Variants in MANBA observed in about 807,000 individuals in gnomAD.
MANBA encodes the protein beta-mannosidase.
A neutral mutation model predicts 111.1 loss-of-function variants in MANBA; 83 were observed. The observed-to-expected ratio is 0.75, with a 90% CI of 0.63 to 0.90. The LOEUF (loss-of-function observed/expected upper bound fraction) is 0.90, where lower values mean the gene tolerates loss of function less well. Among genes scored for constraint, MANBA ranks in the 40% least tolerant of loss-of-function variants. The pLI is 0.00. For synonymous variants in MANBA, 370 were observed against 378.7 expected (o/e 0.98, Z 0.27); for missense variants, 1,036 against 1,069.0 (o/e 0.97, Z 0.43).
chr4:102,638,003 T>C (rs530200912), intron 14 of MANBA, among the ~76,000 whole-genome samples: 1 of 152,268 alleles, frequency 6.6e-6, no homozygotes, highest in South Asian at 2.1e-4. Flanking sequence ...CAGACTTAAA[T>C]TGGAGGGCAC....
At chr4:102,710,652 A>AG (rs1722019823) in intron 5 of MANBA, among the ~76,000 whole-genome samples, 1 of 152,154 alleles carries the variant, frequency 6.6e-6, no homozygotes, top group African/African-American at 2.4e-5. Context: ...GTACAGAAAT[A>AG]GAAAAAAAAT....
chr4:102,728,827 G>T, intron 1 of MANBA: 1 of 911,780 alleles, frequency 1.1e-6, no homozygotes, highest in Non-Finnish European at 1.7e-6. Context: ...CTGCCCTGGT[G>T]GTGCTGGTGC....
At position 102,657,835 on chromosome 4, in the gene MANBA, G is replaced by C; in HGVS notation, c.1551C>G (p.Ala517=). 6.2e-7 allele frequency: 1 copy of C among 1,613,974 alleles called. No individual in the cohort carries two copies. The highest frequency in any genetic ancestry group is 8.5e-7 in the Non-Finnish European group (1 of 1,179,844). The change falls in exon 12 of 17, where the codon GCC becomes GCG. Residue 517 remains alanine, a synonymous_variant. Transcript: ENST00000647097. ...PTNGAETVAE[A]WVSQNPNSNY... ...TGCTATTAGGGTTTTGAGAGACCCA[G>C]GCTTCTGCAACAGTTTCAGCCCCAT...
At chr4:102,636,762 A>C (rs1439117785) in intron 14 of MANBA, among the ~76,000 whole-genome samples, 1 of 152,200 alleles carries the variant, frequency 6.6e-6, no homozygotes, top group Non-Finnish European at 1.5e-5. Flanking sequence ...GGATCCTGCC[A>C]GGGTTTAGAA....
chr4:102,690,801 A>G (rs1433940698), intron 5 of MANBA, 30 bp from the exon 6 acceptor site: 4 of 728,952 alleles, frequency 5.5e-6, no homozygotes, highest in Non-Finnish European at 7.6e-6. Context: ...AGAAATATAT[A>G]TATATATATA....
intron 5 of MANBA, among the ~76,000 whole-genome samples, chr4:102,713,271 C>A (rs139689597): frequency 1.3e-5 from 2 of 152,144 alleles, no homozygotes; most frequent in Non-Finnish European, 2.9e-5. Flanking sequence ...GAGCATTGCA[C>A]GCTCTCATTT....
At chr4:102,670,407 A>G (rs1731443594) in intron 9 of MANBA, among the ~76,000 whole-genome samples, 2 of 152,170 alleles carry the variant, frequency 1.3e-5, no homozygotes, top group South Asian at 2.1e-4. Context: ...CATCGTCACA[A>G]TGACCATCAG....
intron 14 of MANBA, among the ~76,000 whole-genome samples, chr4:102,638,018 A>G (rs1186846498): frequency 6.6e-6 from 1 of 152,198 alleles, no homozygotes; most frequent in African/African-American, 2.4e-5. Context: ...GGGCACTCGC[A>G]TGGTGTCCAC....
intron 12 of MANBA, 147 bp from the exon 13 acceptor site, chr4:102,650,848 C>T (rs1730302329): frequency 1.5e-6 from 1 of 677,934 alleles, no homozygotes; most frequent in Non-Finnish European, 2.6e-6. Context: ...AAATGTTTTA[C>T]CATCCTACTT....
chr4:102,757,041 G>A (rs532784550), intron 1 of MANBA, among the ~76,000 whole-genome samples: 37 of 152,230 alleles, frequency 2.4e-4, no homozygotes, highest in African/African-American at 8.4e-4. Flanking sequence ...CATAATAGCA[G>A]GCTGAGGGCC....
At chr4:102,633,540 A>G (rs1167988777) in intron 16 of MANBA, 3 of 397,730 alleles carry the variant, frequency 7.5e-6, no homozygotes, top group Non-Finnish European at 1.3e-5. Context: ...CCAAATACCT[A>G]GTCTATATTA....
intron 1 of MANBA, among the ~76,000 whole-genome samples, chr4:102,747,160 T>C (rs539905216): frequency 6.7e-6 from 1 of 149,934 alleles, no homozygotes; most frequent in South Asian, 2.1e-4. Flanking sequence ...ACTAATGGGA[T>C]ATATATATAT....
At chr4:102,675,526 T>G (rs1731687265) in intron 7 of MANBA, among the ~76,000 whole-genome samples, 1 of 152,196 alleles carries the variant, frequency 6.6e-6, no homozygotes, top group African/African-American at 2.4e-5. Flanking sequence ...GTTCAATAAA[T>G]TCTTACTTTG....
intron 12 of MANBA, among the ~76,000 whole-genome samples, chr4:102,657,224 G>GC (rs1730597144): frequency 1.6e-5 from 2 of 122,806 alleles, no homozygotes; most frequent in African/African-American, 6.0e-5. Flanking sequence ...GAGTGGGGTG[G>GC]GGGGGGGGTG....
At chr4:102,635,135 T>C in intron 15 of MANBA, 90 bp from the exon 16 acceptor site, 1 of 1,444,964 alleles carries the variant, frequency 6.9e-7, no homozygotes, top group Non-Finnish European at 9.7e-7. Context: ...GAAAGTCAGG[T>C]TAGCAGAAAT....
chr4:102,729,922 T>A, intron 1 of MANBA: 1 of 1,482,852 alleles, frequency 6.7e-7, no homozygotes. Context: ...ACAGCCTGGA[T>A]GTTGGGGTCC....
intron 11 of MANBA, among the ~76,000 whole-genome samples, chr4:102,658,631 G>A (rs1730693791): frequency 6.6e-6 from 1 of 152,136 alleles, no homozygotes; most frequent in African/African-American, 2.4e-5. Context: ...TCATGTTCTC[G>A]TTTCTGTAAT....
In MANBA at chr4:102,631,923, C is replaced by G. The variant is rs759084735; in HGVS notation, c.*134G>C. On this transcript the variant is annotated 3_prime_UTR_variant, in exon 17 of 17. Coordinates refer to ENST00000647097, the MANE Select transcript of MANBA (RefSeq NM_005908.4). Reference sequence around the variant, plus strand: ...GTTCAGTGTACAACTCTTCACAGAGCAATCGCTCAAATGCGTGGCAGCACG... The same window carrying G: ...GTTCAGTGTACAACTCTTCACAGAGGAATCGCTCAAATGCGTGGCAGCACG... 6.4e-6 allele frequency: 5 copies of G among 783,062 alleles called. No individual in the cohort carries two copies. The African/African-American group carries it at 6.8e-5, about 11-fold the overall frequency. 48.5% of individuals were successfully genotyped at this position (783,062 alleles called of 1,614,324 possible). A position where few individuals can be genotyped will look rare whatever the true frequency, so the allele number is the denominator to read the frequency against.
chr4:102,695,582 C>T (rs1439129144), intron 5 of MANBA, among the ~76,000 whole-genome samples: 2 of 152,116 alleles, frequency 1.3e-5, no homozygotes, highest in South Asian at 2.1e-4. Context: ...ACAAAATGTT[C>T]GAGGTAGAAG....
Sources: gnomAD v4.1 joint callset for allele counts (sites outside exome capture counted in the v4.1 genomes callset) on GRCh38, gnomAD v4.1.1 for gene constraint, MANE v1.5 for transcripts, NCBI Gene and HGNC (gene_info 2026-07-23, HGNC 2026-07-21) for gene names.